The following SUMO3 variants were observed in gnomAD, a reference collection of about 807,000 sequenced individuals.
SUMO3 encodes the protein small ubiquitin-related modifier 3.
SUMO3 carries 2 observed loss-of-function variants against 11.1 expected under a neutral mutation model. That is an observed-to-expected ratio of 0.18 (90% CI 0.07 to 0.57). The LOEUF (loss-of-function observed/expected upper bound fraction) is 0.57, where lower values mean the gene tolerates loss of function less well. SUMO3 is among the 20% of genes least tolerant of loss of function. The pLI, the probability that SUMO3 is intolerant of heterozygous loss-of-function variation, is 0.92. For missense variants in SUMO3, 70 were observed against 132.8 expected (o/e 0.53, Z 2.32); for synonymous variants, 56 against 53.5 (o/e 1.05, Z -0.20).
At position 44,806,970 on chromosome 21, in the gene SUMO3, A is replaced by T. The variant is rs920114946; in HGVS notation, c.293T>A (p.Leu98Gln). ...GGCCCTCTAGAAACTGTGCCCTGCC[A>T]GGCTGCTCTCCGGCACACCTCCCGT... ...QQTGGVPESS[L>Q]AGHSF The change falls in exon 4 of 4, where the codon CTG becomes CAG. Residue 98 changes from leucine to glutamine, a missense_variant. Coordinates refer to ENST00000332859, the MANE Select transcript of SUMO3 (RefSeq NM_006936.3). 26 of 1,613,976 alleles carry T rather than the reference A, an allele frequency of 1.6e-5. No homozygotes were observed. Among genetic ancestry groups the T allele is most frequent in the Non-Finnish European group, 2.2e-5 (26 of 1,180,020 alleles).
rs778707979 is a variant in SUMO3, at chr21:44,806,883, G to A, written c.*68C>T. The A allele has an allele frequency of 2.8e-5, 45 of 1,593,360 alleles. No individual in the cohort carries two copies. In the South Asian group the frequency reaches 3.8e-4, roughly 13 times the overall value. ...AGTTTCCGCAGACACCTTTGTGGTC[G>A]GCATGGTCACGTGCTCACCATTCAA... On this transcript the variant is annotated 3_prime_UTR_variant, in exon 4 of 4. Transcript: ENST00000332859.
chr21:44,818,048 T>C lies in SUMO3; in HGVS notation c.-80A>G, dbSNP rs1046126361. 7.2e-6 allele frequency: 8 copies of C among 1,104,322 alleles called. No individual in the cohort carries two copies. The South Asian group carries it at 3.1e-4, about 43-fold the overall frequency. 68.4% of individuals were successfully genotyped at this position (1,104,322 alleles called of 1,614,324 possible). ...AGTCACGCTCTCGGCCCCGCCGCTC[T>C]CCCGCCGCAACTGTGCGCGGGGCCG... On this transcript the variant is annotated 5_prime_UTR_variant, in exon 1 of 4. Coordinates refer to ENST00000332859, the MANE Select transcript of SUMO3 (RefSeq NM_006936.3).
chr21:44,808,989 G>T, intron 3 of SUMO3, 58 bp downstream of exon 3: 1 of 1,425,274 alleles, frequency 7.0e-7, no homozygotes, highest in Non-Finnish European at 9.9e-7. Context: ...ATCCCAAATG[G>T]CAGTTACCCC....
rs976031626 is a variant in SUMO3, at chr21:44,808,636, G to C, written c.222+411C>G. ...CTGAGAGAAACGAGCTGTGCAGACT[G>C]ATAATCAGGGGTTATGGCACATTCT... On this transcript the variant is annotated intron_variant, in intron 3 of 3. Transcript: ENST00000332859. 9 of 1,381,558 alleles carry C rather than the reference G, an allele frequency of 6.5e-6. 1 individual carries two copies. In the African/African-American group the frequency reaches 1.3e-4, roughly 20 times the overall value. The allele number at this position is 1,381,558 out of a possible 1,614,324, so 85.6% of individuals were successfully genotyped here.
At position 44,810,797 on chromosome 21, in the gene SUMO3, G is replaced by A. The variant is rs962917150; in HGVS notation, c.151-1679C>T. On this transcript the variant is annotated intron_variant, in intron 2 of 3. Coordinates refer to ENST00000332859, the MANE Select transcript of SUMO3 (RefSeq NM_006936.3). The surrounding 1 kb of genome is among the most constrained non-coding windows in gnomAD (Gnocchi z 4.1). ...TCCATGCTTGCACAGAAGTCAGCCTGCGTGAGAGCAGTCAGGGAAAGGCTC... is the reference window on the plus strand; with the variant it reads ...TCCATGCTTGCACAGAAGTCAGCCTACGTGAGAGCAGTCAGGGAAAGGCTC... 6.6e-6 allele frequency among the ~76,000 whole-genome samples: 1 copy of A among 152,156 alleles called. No homozygotes were observed. The highest frequency in any genetic ancestry group is 1.5e-5 in the Non-Finnish European group (1 of 68,024).
Position 44,805,830 on chromosome 21 carries a change from A to T in SUMO3, c.*1121T>A, listed in dbSNP as rs1243811268. On this transcript the variant is annotated 3_prime_UTR_variant, in exon 4 of 4. Transcript: ENST00000332859. ...AAAAGGCAGAGAATGGCCACCAAGC[A>T]GCAATGGAGCCTCAGGGAAGGACAA... The T allele has an allele frequency of 1.3e-5, 2 of 152,694 alleles. No homozygotes were observed. Among genetic ancestry groups the T allele is most frequent in the Non-Finnish European group, 2.9e-5 (2 of 68,054 alleles). The allele number at this position is 152,694 out of a possible 1,614,324, so 9.5% of individuals were successfully genotyped here.
intron 3 of SUMO3, chr21:44,808,471 C>T (rs1315397066): frequency 5.7e-5 from 81 of 1,432,502 alleles, no homozygotes; most frequent in Non-Finnish European, 6.4e-5. Context: ...GCTGAGACTG[C>T]GCCACTGCAT....
rs992334978 is a variant in SUMO3, at chr21:44,807,536, C to G, written c.223-496G>C. Among the ~76,000 whole-genome samples, 4 of 152,286 alleles carry G rather than the reference C, an allele frequency of 2.6e-5. No homozygotes were observed. Among genetic ancestry groups the G allele is most frequent in the Admixed American group, 2.6e-4 (4 of 15,294 alleles). On this transcript the variant is annotated intron_variant, in intron 3 of 3. Transcript: ENST00000332859. This position sits in a 1 kb window ranked among gnomAD's most constrained non-coding sequence, Gnocchi z 4.3. ...ATTGCCAGCTTCTCCCCGCCCCTCC[C>G]CATTTAAAGCCCAGGCAAGGTAGTG... is the stretch of plus-strand genomic sequence containing the variant.
Position 44,811,493 on chromosome 21 carries a change from G to C in SUMO3, c.151-2375C>G, listed in dbSNP as rs142956634. ...AGGCTGAGGTGGGAGGATCACTTGAGCCCCAGGGCTCAAGGCTGCAGTGAA... is the reference window on the plus strand; with the variant it reads ...AGGCTGAGGTGGGAGGATCACTTGACCCCCAGGGCTCAAGGCTGCAGTGAA... On this transcript the variant is annotated intron_variant, in intron 2 of 3. Transcript: ENST00000332859. This position sits in a 1 kb window ranked among gnomAD's most constrained non-coding sequence, Gnocchi z 5.0. 2.0e-4 allele frequency among the ~76,000 whole-genome samples: 31 copies of C among 152,222 alleles called. 1 individual carries two copies. In the East Asian group the frequency reaches 6.0e-3, roughly 29 times the overall value.
intron 2 of SUMO3, among the ~76,000 whole-genome samples, chr21:44,809,503 A>C (rs1232413792): frequency 6.6e-6 from 1 of 152,224 alleles, no homozygotes; most frequent in African/African-American, 2.4e-5. Flanking sequence ...TCAGTTTCAA[A>C]GCAGATAGGT....
chr21:44,808,833 C>T (rs873301), intron 3 of SUMO3, among the ~76,000 whole-genome samples: 15,841 of 152,226 alleles, frequency 0.1, 1,119 homozygotes, highest in Middle Eastern at 0.21. Context: ...GCACTTGGCT[C>T]CATCTCCAAA....
At chr21:44,817,862 G>GCCGCCGAGCGCAGCC (rs1486185182) in intron 1 of SUMO3, 86 bp downstream of exon 1, 1 of 184 alleles carries the variant, frequency 5.4e-3, no homozygotes, top group Non-Finnish European at 9.4e-3. Flanking sequence ...GGCGGGACGC[G>GCCGCCGAGCGCAGCC]GGGCGGAGTC....
chr21:44,806,657 T>G lies in SUMO3; in HGVS notation c.*294A>C. 1.8e-6 allele frequency: 1 copy of G among 568,224 alleles called. No individual in the cohort carries two copies. Among genetic ancestry groups the G allele is most frequent in the Non-Finnish European group, 2.7e-6 (1 of 370,584 alleles). The allele number at this position is 568,224 out of a possible 1,614,324, so 35.2% of individuals were successfully genotyped here. On this transcript the variant is annotated 3_prime_UTR_variant, in exon 4 of 4. Transcript: ENST00000332859. Reference sequence around the variant, plus strand: ...AACATTCAGGCTATAATTTTGGGGTTAAAAAAATGTTGTAGGAGGGGGGGA... The same window carrying G: ...AACATTCAGGCTATAATTTTGGGGTGAAAAAAATGTTGTAGGAGGGGGGGA...
Position 44,811,579 on chromosome 21 carries a change from AT to A in SUMO3, c.150+2396del, listed in dbSNP as rs558726447. Among the ~76,000 whole-genome samples, 18 of 152,308 alleles carry A rather than the reference AT, an allele frequency of 1.2e-4. No individual in the cohort carries two copies. In the South Asian group the frequency reaches 3.5e-3, roughly 30 times the overall value. On this transcript the variant is annotated intron_variant, in intron 2 of 3. Transcript: ENST00000332859. The surrounding 1 kb of genome is among the most constrained non-coding windows in gnomAD (Gnocchi z 5.0). ...AGAGTGAGACCCTGTCTCAAAAAAA[AT>A]AAGTTGCTACTGAGAAAAAAAGAAC...
Position 44,811,183 on chromosome 21 carries a change from C to CAT in SUMO3, c.151-2067_151-2066dup, listed in dbSNP as rs1274222518. ...AGGCACACACCCACACATACACACACATGCACAAAGACACGGACATACACA... is the reference window on the plus strand; with the variant it reads ...AGGCACACACCCACACATACACACACATATGCACAAAGACACGGACATACACA... On this transcript the variant is annotated intron_variant, in intron 2 of 3. Transcript: ENST00000332859. The surrounding 1 kb of genome is among the most constrained non-coding windows in gnomAD (Gnocchi z 5.0). 1.3e-5 allele frequency among the ~76,000 whole-genome samples: 2 copies of CAT among 151,592 alleles called. No homozygotes were observed. Among genetic ancestry groups the CAT allele is most frequent in the Non-Finnish European group, 3.0e-5 (2 of 67,784 alleles).
At chr21:44,809,273 C>G (rs906554655) in intron 2 of SUMO3, among the ~76,000 whole-genome samples, 155 bp from the exon 3 acceptor site, 2 of 152,202 alleles carry the variant, frequency 1.3e-5, no homozygotes, top group Non-Finnish European at 2.9e-5. Flanking sequence ...ATATTTTAAT[C>G]CAAGTATCAG....
At chr21:44,813,585 CAGGGTGACAGCGGCG>C in intron 2 of SUMO3, 2 of 272,452 alleles carry the variant, frequency 7.3e-6, no homozygotes, top group South Asian at 1.5e-4. Context: ...TACGCGAGGA[CAGGGTGACAGCGGCG>C]TGGGGCACAC....
chr21:44,814,255 T>C (rs887552806), intron 1 of SUMO3, 151 bp from the exon 2 acceptor site: 20 of 1,064,700 alleles, frequency 1.9e-5, no homozygotes, highest in Non-Finnish European at 2.7e-5. Flanking sequence ...TCACTCGTGA[T>C]GGTTTTATTT....
intron 2 of SUMO3, among the ~76,000 whole-genome samples, chr21:44,809,997 A>C (rs1258323925): frequency 6.6e-6 from 1 of 152,184 alleles, no homozygotes. Flanking sequence ...AATGAGGGAC[A>C]GATAAGAAGG....
Sources: allele counts gnomAD v4.1 joint callset (sites outside exome capture counted in the v4.1 genomes callset), GRCh38; gene constraint gnomAD v4.1.1; non-coding constraint Gnocchi (gnomAD v3.1); transcripts MANE v1.5; gene names NCBI Gene and HGNC (gene_info 2026-07-23, HGNC 2026-07-21).